Variants in ACAP3 observed in about 807,000 individuals in gnomAD.
The protein encoded by ACAP3 is arf-GAP with coiled-coil, ANK repeat and PH domain-containing protein 3.
A neutral mutation model predicts 104.1 loss-of-function variants in ACAP3; 56 were observed. The observed-to-expected ratio is 0.54, with a 90% CI of 0.43 to 0.67. The LOEUF (loss-of-function observed/expected upper bound fraction) is 0.67. Ranked by LOEUF, ACAP3 falls within the 30% of genes least tolerant of loss-of-function variation. The pLI is 0.00. For missense variants in ACAP3, 1,208 were observed against 1,174.9 expected, an observed-to-expected ratio of 1.03 and a Z score of -0.41; for synonymous variants, 628 against 496.2, an observed-to-expected ratio of 1.27 and a Z score of -3.53.
Position 1,307,812 on chromosome 1 carries a change from T to A in ACAP3, c.4A>T (p.Thr2Ser), listed in dbSNP as rs2100511115. The A allele has an allele frequency of 9.4e-7, 1 of 1,065,876 alleles. No individual in the cohort carries two copies. The highest frequency in any genetic ancestry group is 4.3e-5 in the South Asian group (1 of 23,360). The allele number at this position is 1,065,876 out of a possible 1,614,324, so 66.0% of individuals were successfully genotyped here. A position where few individuals can be genotyped will look rare whatever the true frequency, so the allele number is the denominator to read the frequency against. ...TTGACGCACTCCTCGAACTCCACGG[T>A]CATGGCTGCGGCGGCCGCGGCGCTC... M[T>S]VEFEECVKDS... The change falls in exon 1 of 24, where the codon ACC becomes TCC. Residue 2 changes from threonine to serine, a missense_variant. By Grantham distance (58) the Thr-to-Ser change is moderately conservative (BLOSUM62 1). Coordinates refer to ENST00000354700, the MANE Select transcript of ACAP3 (RefSeq NM_030649.3).
intron 13 of ACAP3, 21 bp from the exon 14 acceptor site, chr1:1,297,954 G>A (rs1641266585): frequency 5.0e-6 from 8 of 1,611,216 alleles, no homozygotes; most frequent in Non-Finnish European, 5.9e-6. Context: ...TGGAGGGGCG[G>A]GCGTCAGCTC....
At chr1:1,299,794 G>A in intron 9 of ACAP3, 37 bp downstream of exon 9, 1 of 1,529,824 alleles carries the variant, frequency 6.5e-7, no homozygotes, top group Non-Finnish European at 8.8e-7. Flanking sequence ...GGCCTCCCAG[G>A]CGCCTGGTGT....
chr1:1,294,346 G>A (rs1443260283), intron 21 of ACAP3, 56 bp downstream of exon 21: 12 of 1,529,614 alleles, frequency 7.8e-6, no homozygotes, highest in South Asian at 6.1e-5. Flanking sequence ...CGCCACAGAA[G>A]ATGCAAACGC....
At chr1:1,300,776 T>C in intron 5 of ACAP3, 84 bp from the exon 6 acceptor site, 1 of 1,451,204 alleles carries the variant, frequency 6.9e-7, no homozygotes, top group Non-Finnish European at 9.4e-7. Context: ...TGTTTGTGTG[T>C]TTTTTGTTTT....
In ACAP3 at chr1:1,303,826, G is replaced by A. The variant is rs1641561582; in HGVS notation, c.105+260C>T. The A allele has an allele frequency of 1.8e-6, 1 of 566,390 alleles. No individual in the cohort carries two copies. Among genetic ancestry groups the A allele is most frequent in the Non-Finnish European group, 3.1e-6 (1 of 317,742 alleles). 35.1% of individuals were successfully genotyped at this position (566,390 alleles called of 1,614,324 possible). On this transcript the variant is annotated intron_variant, in intron 2 of 23. Transcript: ENST00000354700. This position sits in a 1 kb window ranked among gnomAD's most constrained non-coding sequence, Gnocchi z 4.0. ...TGTCACCAGCCCAGCAGAGGGGACG[G>A]GCAGCCACCGTGGGTCGGGGACTCA...
chr1:1,304,227 G>A, intron 1 of ACAP3, 84 bp from the exon 2 acceptor site: 1 of 1,499,834 alleles, frequency 6.7e-7, no homozygotes, highest in Non-Finnish European at 9.0e-7. Flanking sequence ...TCCCTGAGGG[G>A]CTCCACCATG....
At position 1,293,508 on chromosome 1, in the gene ACAP3, C is replaced by T. The variant is rs1247384247; in HGVS notation, c.*56G>A. 2.2e-6 allele frequency: 3 copies of T among 1,377,400 alleles called. No homozygotes were observed. Among genetic ancestry groups the T allele is most frequent in the Non-Finnish European group, 2.8e-6 (3 of 1,074,394 alleles). The allele number at this position is 1,377,400 out of a possible 1,614,324, so 85.3% of individuals were successfully genotyped here. On this transcript the variant is annotated 3_prime_UTR_variant, in exon 24 of 24. Transcript: ENST00000354700. ...GCGGCCGGGTGGGCGCCAGGGACTT[C>T]GGGGCATGCGGGGCGTCGGGCCGGG...
intron 12 of ACAP3, 97 bp from the exon 13 acceptor site, chr1:1,298,210 T>C: frequency 6.4e-7 from 1 of 1,567,020 alleles, no homozygotes; most frequent in South Asian, 1.2e-5. Flanking sequence ...GCCGACTGCC[T>C]GAGCCCCAAG....
Position 1,293,324 on chromosome 1 carries a change from G to A in ACAP3, c.*240C>T, listed in dbSNP as rs962987137. On this transcript the variant is annotated 3_prime_UTR_variant, in exon 24 of 24. Coordinates refer to ENST00000354700, the MANE Select transcript of ACAP3 (RefSeq NM_030649.3). ...TGACCTGAAGACAGAGGTTCCCCAG[G>A]TGGGGTGAGGGACACCCGACGATGC... 1.9e-5 allele frequency: 6 copies of A among 318,948 alleles called. No individual in the cohort carries two copies. The highest frequency in any genetic ancestry group is 6.2e-5 in the East Asian group (1 of 16,152). The allele number at this position is 318,948 out of a possible 1,614,324, so 19.8% of individuals were successfully genotyped here.
At chr1:1,305,078 C>G (rs978970957) in intron 1 of ACAP3, 5 of 152,308 alleles carry the variant, frequency 3.3e-5, no homozygotes, top group African/African-American at 2.4e-5. Flanking sequence ...CTACCCTGAC[C>G]GGTGTCCCAG....
Position 1,303,303 on chromosome 1 carries a change from T to C in ACAP3, c.106-22A>G. 6.4e-7 allele frequency: 1 copy of C among 1,559,036 alleles called. No homozygotes were observed. The highest frequency in any genetic ancestry group is 8.7e-7 in the Non-Finnish European group (1 of 1,152,662). ...CCAGCTGTGGGCCAGCGGGGCGTGG[T>C]GAGCACAGTGGGCACTGGCGCCTGC... On this transcript the variant is annotated intron_variant, in intron 2 of 23. Transcript: ENST00000354700. This position sits in a 1 kb window ranked among gnomAD's most constrained non-coding sequence, Gnocchi z 4.0.
At chr1:1,307,063 G>A (rs1557614367) in intron 1 of ACAP3, 2 of 761,024 alleles carry the variant, frequency 2.6e-6, no homozygotes, top group Admixed American at 2.3e-5. Flanking sequence ...GCCTCACGCA[G>A]GTGCGCACTT....
Position 1,302,336 on chromosome 1 carries a change from C to T in ACAP3, c.280-290G>A, listed in dbSNP as rs567683939. On this transcript the variant is annotated intron_variant, in intron 4 of 23. Coordinates refer to ENST00000354700, the MANE Select transcript of ACAP3 (RefSeq NM_030649.3). ...GCCGGAGCCCCACTGCCTCCTGGCC[C>T]TGGGCGGCCACCCTGGGGTGCCCAT... Among the ~76,000 whole-genome samples the T allele has an allele frequency of 3.3e-5, 5 of 152,308 alleles. 1 individual carries two copies. The South Asian group carries it at 1.0e-3, about 32-fold the overall frequency.
At position 1,303,662 on chromosome 1, in the gene ACAP3, A is replaced by C. The variant is rs1236413079; in HGVS notation, c.106-381T>G. ...GCTCATGGACACGGCTCCCCTCTCCACGGCCTGTTGCCCCCTCTTTCTCAG... is the reference window on the plus strand; with the variant it reads ...GCTCATGGACACGGCTCCCCTCTCCCCGGCCTGTTGCCCCCTCTTTCTCAG... On this transcript the variant is annotated intron_variant, in intron 2 of 23. Coordinates refer to ENST00000354700, the MANE Select transcript of ACAP3 (RefSeq NM_030649.3). The surrounding 1 kb of genome is among the most constrained non-coding windows in gnomAD (Gnocchi z 4.0). 2 of 327,606 alleles carry C rather than the reference A, an allele frequency of 6.1e-6. No homozygotes were observed. The highest frequency in any genetic ancestry group is 6.4e-5 in the Admixed American group (1 of 15,554). The allele number at this position is 327,606 out of a possible 1,614,324, so 20.3% of individuals were successfully genotyped here.
At position 1,293,903 on chromosome 1, in the gene ACAP3, C is replaced by T. The variant is rs773997642; in HGVS notation, c.2280G>A (p.Ala760=). Residue 760 remains alanine, a synonymous_variant, in exon 23 of 24, where the codon GCG becomes GCA. Transcript: ENST00000354700. ...GCTCTTGGTCCAGGGCGTGCTGGTC[C>T]GCGCCCCGCTTCAGGAACAGGCAAA... ...GQVCLFLKRG[A]DQHALDQEQR... is the part of the protein sequence containing the mutation. 10 of 1,580,454 alleles carry T rather than the reference C, an allele frequency of 6.3e-6. No homozygotes were observed. The highest frequency in any genetic ancestry group is 1.1e-5 in the South Asian group (1 of 88,834).
chr1:1,300,269 T>TA, intron 6 of ACAP3, 67 bp from the exon 7 acceptor site: 1 of 1,522,572 alleles, frequency 6.6e-7, no homozygotes, highest in Non-Finnish European at 8.8e-7. Flanking sequence ...GCACCTGCCA[T>TA]AGAGTCCACC....
intron 6 of ACAP3, 53 bp from the exon 7 acceptor site, chr1:1,300,255 C>G: frequency 6.5e-7 from 1 of 1,542,638 alleles, no homozygotes; most frequent in Non-Finnish European, 8.7e-7. Flanking sequence ...CAGCCCCAAG[C>G]CCTGCACCTG....
intron 1 of ACAP3, 135 bp from the exon 2 acceptor site, chr1:1,304,278 G>T: frequency 9.3e-7 from 1 of 1,074,918 alleles, no homozygotes; most frequent in Non-Finnish European, 1.3e-6. Context: ...ACAGACGCCT[G>T]CCTGCTACGG....
intron 6 of ACAP3, 152 bp from the exon 7 acceptor site, chr1:1,300,354 G>A (rs1641390604): frequency 1.6e-6 from 2 of 1,252,778 alleles, no homozygotes; most frequent in East Asian, 5.1e-5. Flanking sequence ...ATCCTCCCAT[G>A]GTCCTGGACT....
Sources: allele counts gnomAD v4.1 joint callset (sites outside exome capture counted in the v4.1 genomes callset), GRCh38; gene constraint gnomAD v4.1.1; non-coding constraint Gnocchi (gnomAD v3.1); transcripts MANE v1.5; gene names NCBI Gene and HGNC (gene_info 2026-07-23, HGNC 2026-07-21).